PRDM2: variants seen among roughly 807,000 people sequenced by gnomAD.
PRDM2 encodes the protein PR/SET domain 2.
In PRDM2, 30 loss-of-function variants were observed where a neutral mutation model predicts 130.0. The observed-to-expected ratio is 0.23, with a 90% confidence interval of 0.17 to 0.31. The LOEUF (loss-of-function observed/expected upper bound fraction) is 0.31, where lower values mean the gene tolerates loss of function less well. Ranked by LOEUF, PRDM2 falls within the 10% of genes least tolerant of loss-of-function variation. The probability of loss-of-function intolerance (pLI) is 1.00; values close to 1 mark genes in which losing one functional copy is unlikely to be tolerated. For synonymous variants in PRDM2, 871 were observed against 782.4 expected (o/e 1.11, Z -1.89); for missense variants, 2,011 against 2,108.4 (o/e 0.95, Z 0.90).
At position 13,780,924 on chromosome 1, in the gene PRDM2, C is replaced by T. The variant is rs760197756; in HGVS notation, c.3129C>T (p.Ala1043=). The T allele has an allele frequency of 1.7e-5, 27 of 1,612,886 alleles. No individual in the cohort carries two copies. The highest frequency in any genetic ancestry group is 1.6e-4 in the Middle Eastern group (1 of 6,080). Reference sequence around the variant, plus strand: ...CTCCCGTGGAGCCCCTGATGTCTGCCGCCTCACCCGGGCCTCCAACACTTT... The same window carrying T: ...CTCCCGTGGAGCCCCTGATGTCTGCTGCCTCACCCGGGCCTCCAACACTTT... ...PIPPVEPLMS[A]ASPGPPTLSS... Residue 1043 remains alanine (A), a synonymous_variant, in exon 8 of 10, where the codon GCC becomes GCT. Transcript: ENST00000311066.
intron 8 of PRDM2, among the ~76,000 whole-genome samples, chr1:13,815,105 G>GTTTA (rs780841474): frequency 2.0e-5 from 3 of 152,098 alleles, no homozygotes; most frequent in Non-Finnish European, 4.4e-5. Flanking sequence ...ATGTTTGTTT[G>GTTTA]TTTGTTTATT....
chr1:13,737,964 A>G (rs1224852241), intron 4 of PRDM2, among the ~76,000 whole-genome samples: 2 of 152,278 alleles, frequency 1.3e-5, no homozygotes, highest in East Asian at 3.9e-4. Context: ...ACTAGAAGTG[A>G]CCTAGATCTT....
At position 13,730,052 on chromosome 1, in the gene PRDM2, G is replaced by T. The variant is rs911050957; in HGVS notation, c.10-948G>T. ...TTGTTTGGGGTTTACTTTTGCCTGT[G>T]TTGGTTCATTTAAAAGTCCTGGAGA... On this transcript the variant is annotated intron_variant, in intron 2 of 9. Coordinates refer to ENST00000311066, the MANE Select transcript of PRDM2 (RefSeq NM_001393986.1). 8.5e-5 allele frequency among the ~76,000 whole-genome samples: 13 copies of T among 152,292 alleles called. No homozygotes were observed. The East Asian group carries it at 1.9e-3, about 23-fold the overall frequency.
intron 2 of PRDM2, among the ~76,000 whole-genome samples, chr1:13,728,897 C>T (rs116514920): frequency 0.01 from 1,581 of 152,212 alleles, 10 homozygotes; most frequent in Middle Eastern, 0.027. Flanking sequence ...AGTGACCATT[C>T]CTGCCTTAAG....
chr1:13,738,582 T>C (rs1021741005), intron 4 of PRDM2, among the ~76,000 whole-genome samples: 2 of 152,210 alleles, frequency 1.3e-5, no homozygotes, highest in African/African-American at 2.4e-5. Context: ...GCTATTTATT[T>C]TTTAAACTTG....
chr1:13,803,205 C>A lies in PRDM2; in HGVS notation c.5037-13222C>A, dbSNP rs568183699. 4.6e-5 allele frequency among the ~76,000 whole-genome samples: 7 copies of A among 152,290 alleles called. No homozygotes were observed. The East Asian group carries it at 1.4e-3, about 29-fold the overall frequency. The stretch of plus-strand genomic sequence containing the variant: ...GCGGGACCTTGGCAATGAGAGAAAC[C>A]GTATAGGAAGCCACGCTGGGAGGAT... On this transcript the variant is annotated intron_variant, in intron 8 of 9. Coordinates refer to ENST00000311066, the MANE Select transcript of PRDM2 (RefSeq NM_001393986.1). This position sits in a 1 kb window ranked among gnomAD's most constrained non-coding sequence, Gnocchi z 6.2.
At chr1:13,809,500 C>T (rs1645137724) in intron 8 of PRDM2, among the ~76,000 whole-genome samples, 4 of 152,130 alleles carry the variant, frequency 2.6e-5, no homozygotes, top group Admixed American at 6.6e-5. Flanking sequence ...TCACCAAGAA[C>T]AGGAGCAGGG....
At position 13,803,027 on chromosome 1, in the gene PRDM2, G is replaced by A. The variant is rs759261559; in HGVS notation, c.5037-13400G>A. Among the ~76,000 whole-genome samples, 4 of 152,170 alleles carry A rather than the reference G, an allele frequency of 2.6e-5. No homozygotes were observed. The highest frequency in any genetic ancestry group is 1.9e-4 in the East Asian group (1 of 5,170). ...CTCTCACCCGGGCTGGTCGTGTCAC[G>A]GGCAGTGACGGTGTTTCCAGCCGAG... On this transcript the variant is annotated intron_variant, in intron 8 of 9. Transcript: ENST00000311066. This position sits in a 1 kb window ranked among gnomAD's most constrained non-coding sequence, Gnocchi z 6.2.
At chr1:13,728,356 G>A (rs554222474) in intron 2 of PRDM2, among the ~76,000 whole-genome samples, 1 of 152,220 alleles carries the variant, frequency 6.6e-6, no homozygotes, top group Non-Finnish European at 1.5e-5. Flanking sequence ...AGCTGTGAAG[G>A]AGAACCAAGG....
At position 13,725,464 on chromosome 1, in the gene PRDM2, C is replaced by T. The variant is rs1219227816; in HGVS notation, c.10-5536C>T. 2.6e-5 allele frequency among the ~76,000 whole-genome samples: 4 copies of T among 152,162 alleles called. No homozygotes were observed. In the East Asian group the frequency reaches 5.8e-4, roughly 22 times the overall value. Reference sequence around the variant, plus strand: ...AAGTGATCTGCCTGCCTCGGCCTCCCAAAGTGCTGGGATTACAGGCATGAG... The same window carrying T: ...AAGTGATCTGCCTGCCTCGGCCTCCTAAAGTGCTGGGATTACAGGCATGAG... On this transcript the variant is annotated intron_variant, in intron 2 of 9. Transcript: ENST00000311066.
In PRDM2 at chr1:13,782,794, G is replaced by A; in HGVS notation, c.4999G>A (p.Glu1667Lys). 6.2e-7 allele frequency: 1 copy of A among 1,608,768 alleles called. No homozygotes were observed. The highest frequency in any genetic ancestry group is 8.5e-7 in the Non-Finnish European group (1 of 1,178,780). ...TGCTGACTTGAGTGAGAACAAGAGA[G>A]AGGACGGCAGCGCCAAGCAGGAGCT... ...AAADLSENKR[E>K]DGSAKQELKD... Residue 1667 changes from glutamate (E) to lysine (K), a missense_variant, in exon 8 of 10, where the codon GAG (glutamate) becomes AAG (lysine). Glu to Lys is a moderately conservative substitution (Grantham distance 56, BLOSUM62 1). Coordinates refer to ENST00000311066, the MANE Select transcript of PRDM2 (RefSeq NM_001393986.1).
Position 13,785,411 on chromosome 1 carries a change from A to G in PRDM2, c.5036+2580A>G, listed in dbSNP as rs182149798. Among the ~76,000 whole-genome samples, 238 of 152,300 alleles carry G rather than the reference A, an allele frequency of 1.6e-3. 1 individual carries two copies. Among genetic ancestry groups the G allele is most frequent in the African/African-American group, 5.6e-3 (234 of 41,548 alleles). The stretch of plus-strand genomic sequence containing the variant: ...AGCTGTGATTAAGAGCTAGTTTTCC[A>G]TACTCAGATATTTTACATGTGAATG... On this transcript the variant is annotated intron_variant, in intron 8 of 9. Transcript: ENST00000311066.
At chr1:13,794,748 TTGAATC>T (rs545521192) in intron 8 of PRDM2, among the ~76,000 whole-genome samples, 140 of 152,276 alleles carry the variant, frequency 9.2e-4, no homozygotes, top group African/African-American at 3.1e-3. Context: ...TAATCTCAGT[TTGAATC>T]TGATGAAAAG....
At chr1:13,812,329 C>G (rs1453186391) in intron 8 of PRDM2, among the ~76,000 whole-genome samples, 1 of 39,942 alleles carries the variant, frequency 2.5e-5, no homozygotes, top group African/African-American at 1.2e-4. Context: ...AGGGTAAGCA[C>G]AGCGGGGGGT....
chr1:13,769,905 A>G (rs1237918224), intron 6 of PRDM2, among the ~76,000 whole-genome samples: 2 of 152,182 alleles, frequency 1.3e-5, no homozygotes, highest in African/African-American at 2.4e-5. Flanking sequence ...GGCCATGTCT[A>G]GAGACTTTGG....
intron 8 of PRDM2, chr1:13,787,386 A>G: frequency 2.0e-6 from 2 of 984,296 alleles, no homozygotes; most frequent in Non-Finnish European, 2.4e-6. Context: ...AAGTATATTA[A>G]TATCATTTAT....
intron 2 of PRDM2, among the ~76,000 whole-genome samples, chr1:13,725,857 G>T (rs1035180786): frequency 2.0e-5 from 3 of 152,178 alleles, no homozygotes; most frequent in Non-Finnish European, 4.4e-5. Flanking sequence ...GACCCCACTG[G>T]GTTGGTGGTT....
chr1:13,788,441 A>G (rs557430786), intron 8 of PRDM2, among the ~76,000 whole-genome samples: 2 of 152,382 alleles, frequency 1.3e-5, no homozygotes, highest in South Asian at 4.1e-4. Flanking sequence ...AATGAAACCA[A>G]AAAGTTGTGA....
chr1:13,720,531 G>A (rs1642690465), intron 2 of PRDM2, among the ~76,000 whole-genome samples: 2 of 152,170 alleles, frequency 1.3e-5, no homozygotes, highest in Admixed American at 1.3e-4. Context: ...GGAGAGGGCT[G>A]TTAGAGTTGA....
Sources: allele counts gnomAD v4.1 joint callset (sites outside exome capture counted in the v4.1 genomes callset), GRCh38; gene constraint gnomAD v4.1.1; non-coding constraint Gnocchi (gnomAD v3.1); transcripts MANE v1.5; gene names NCBI Gene and HGNC (gene_info 2026-07-23, HGNC 2026-07-21).